The following CEP68 variants were observed in gnomAD, a reference collection of about 807,000 sequenced individuals.
CEP68 encodes centrosomal protein of 68 kDa.
CEP68 carries 26 observed loss-of-function variants against 55.3 expected under a neutral mutation model. The ratio of observed to expected loss-of-function variants is 0.47; its 90% CI spans 0.34 to 0.65. The LOEUF (loss-of-function observed/expected upper bound fraction) is 0.65. Among genes scored for constraint, CEP68 ranks in the 30% least tolerant of loss-of-function variants. The probability of loss-of-function intolerance (pLI) is 0.01; values close to 1 mark genes in which losing one functional copy is unlikely to be tolerated. For synonymous variants in CEP68, 402 were observed against 383.2 expected, an observed-to-expected ratio of 1.05 and a Z score of -0.57; for missense variants, 957 against 946.7, an observed-to-expected ratio of 1.01 and a Z score of -0.14.
intron 1 of CEP68, among the ~76,000 whole-genome samples, chr2:65,062,271 C>T (rs1167408973): frequency 6.6e-6 from 1 of 152,192 alleles, no homozygotes; most frequent in Non-Finnish European, 1.5e-5. Flanking sequence ...CGGTGACTCC[C>T]GCCTGTAAGC....
chr2:65,076,317 C>T (rs898584189), intron 4 of CEP68, among the ~76,000 whole-genome samples: 5 of 152,146 alleles, frequency 3.3e-5, no homozygotes, highest in African/African-American at 1.2e-4. Flanking sequence ...TCCATCCCTC[C>T]GTCTTATCCC....
intron 4 of CEP68, chr2:65,075,138 C>T (rs1676701029): frequency 6.6e-6 from 1 of 152,228 alleles, no homozygotes; most frequent in African/African-American, 2.4e-5. Context: ...AAATCTAGGC[C>T]AGGCACCTTG....
Position 65,083,182 on chromosome 2 carries a change from A to G in CEP68, c.*5-457A>G, listed in dbSNP as rs187097962. ...AACCCAGAGTTACTGATAACTTTGC[A>G]CCACCACCCCTGCCCTGCACAAAGG... On this transcript the variant is annotated intron_variant, in intron 6 of 6. Coordinates refer to ENST00000377990, the MANE Select transcript of CEP68 (RefSeq NM_015147.3). Among the ~76,000 whole-genome samples, 453 of 152,140 alleles carry G rather than the reference A, an allele frequency of 3.0e-3. 4 individuals are homozygous for G. Among genetic ancestry groups the G allele is most frequent in the Non-Finnish European group, 2.7e-3 (182 of 67,990 alleles).
chr2:65,082,360 G>A (rs1041128022), intron 5 of CEP68, among the ~76,000 whole-genome samples, 176 bp from the exon 6 acceptor site: 4 of 152,208 alleles, frequency 2.6e-5, no homozygotes, highest in Non-Finnish European at 4.4e-5. Context: ...AGGTTCTCCA[G>A]TGCAACAGAA....
chr2:65,071,014 TCA>T (rs1466874977), intron 2 of CEP68: 1 of 170,130 alleles, frequency 5.9e-6, no homozygotes, highest in Non-Finnish European at 1.3e-5. Flanking sequence ...CTGCTAGTGT[TCA>T]GTTACCACTG....
chr2:65,073,988 C>G (rs1213456120), intron 3 of CEP68: 1 of 320,900 alleles, frequency 3.1e-6, no homozygotes, highest in East Asian at 7.0e-5. Context: ...AGTAATGGTG[C>G]TGATCCAAGA....
At chr2:65,079,856 G>A (rs1345423308) in intron 5 of CEP68, among the ~76,000 whole-genome samples, 3 of 152,216 alleles carry the variant, frequency 2.0e-5, no homozygotes, top group East Asian at 1.9e-4. Flanking sequence ...CCTCTAGTCC[G>A]GACACGGTGG....
At position 65,069,788 on chromosome 2, in the gene CEP68, C is replaced by A; in HGVS notation, c.344C>A (p.Ser115Tyr). ...ATMGSGDLLL[S>Y]GESQVEKTKL... Reference sequence around the variant, plus strand: ...ATGGGGTCTGGAGACCTTCTGCTCTCCGGGGAAAGCCAGGTAGGTACTAAG... The same window carrying A: ...ATGGGGTCTGGAGACCTTCTGCTCTACGGGGAAAGCCAGGTAGGTACTAAG... The change falls in exon 2 of 7, where the codon TCC becomes TAC. Residue 115 changes from serine to tyrosine, a missense_variant. By Grantham distance (144) the Ser-to-Tyr change is moderately radical (BLOSUM62 -2). Coordinates refer to ENST00000377990, the MANE Select transcript of CEP68 (RefSeq NM_015147.3). 1.2e-6 allele frequency: 2 copies of A among 1,613,908 alleles called. No individual in the cohort carries two copies. The highest frequency in any genetic ancestry group is 1.7e-5 in the Admixed American group (1 of 60,018).
chr2:65,072,499 C>G lies in CEP68; in HGVS notation c.1403C>G (p.Ser468Cys), dbSNP rs935592823. The change falls in exon 3 of 7, where the codon TCT (serine) becomes TGT (cysteine). Residue 468 changes from serine (S) to cysteine (C), a missense_variant. Coordinates refer to ENST00000377990, the MANE Select transcript of CEP68 (RefSeq NM_015147.3). ...GCCCGGCGCCCTACCTGCACAGAGT[C>G]TAGGTGGAAATCAGAAGAGGAAGTG... ...QSARRPTCTE[S>C]RWKSEEEVES... The G allele has an allele frequency of 1.2e-6, 2 of 1,614,072 alleles. No individual in the cohort carries two copies. Among genetic ancestry groups the G allele is most frequent in the Non-Finnish European group, 1.7e-6 (2 of 1,180,008 alleles).
Position 65,082,653 on chromosome 2 carries a change from T to C in CEP68, c.2222T>C (p.Ile741Thr), listed in dbSNP as rs1668887284. 6.2e-7 allele frequency: 1 copy of C among 1,610,506 alleles called. No individual in the cohort carries two copies. The highest frequency in any genetic ancestry group is 1.3e-5 in the African/African-American group (1 of 74,648). The change falls in exon 6 of 7, where the codon ATC (isoleucine) becomes ACC (threonine). Residue 741 changes from isoleucine (I) to threonine (T), a missense_variant. Transcript: ENST00000377990. Reference protein sequence around the residue: ...SLDMLAGCTLIPDKKPMAAME... With the variant: ...SLDMLAGCTLTPDKKPMAAME... ...GACATGCTGGCTGGCTGCACCCTTA[T>C]CCCTGACAAAAAGCCCATGGCGGCA... is the stretch of plus-strand genomic sequence containing the variant.
chr2:65,068,833 A>G lies in CEP68; in HGVS notation c.-46-566A>G, dbSNP rs578084964. ...ACAGAGTAAGACCCTGTCTCAGAAA[A>G]AAGAAAAAAAGAAAAGAAAAGAGAG... On this transcript the variant is annotated intron_variant, in intron 1 of 6. Coordinates refer to ENST00000377990, the MANE Select transcript of CEP68 (RefSeq NM_015147.3). Among the ~76,000 whole-genome samples the G allele has an allele frequency of 3.3e-5, 5 of 152,032 alleles. No individual in the cohort carries two copies. The East Asian group carries it at 9.7e-4, about 29-fold the overall frequency.
intron 4 of CEP68, chr2:65,074,757 T>C (rs1016739736): frequency 1.8e-5 from 5 of 276,458 alleles, no homozygotes; most frequent in South Asian, 1.4e-4. Context: ...CTGAGCAACA[T>C]AGCAAGACCC....
In CEP68 at chr2:65,074,343, A is replaced by T; in HGVS notation, c.1946A>T (p.Asp649Val). 6.2e-7 allele frequency: 1 copy of T among 1,614,154 alleles called. No homozygotes were observed. The highest frequency in any genetic ancestry group is 1.6e-4 in the Middle Eastern group (1 of 6,062). Residue 649 changes from aspartate (D) to valine (V), a missense_variant, in exon 4 of 7, where the codon GAC (aspartate) becomes GTC (valine). Asp to Val is a radical substitution (Grantham distance 152, BLOSUM62 -3). Coordinates refer to ENST00000377990, the MANE Select transcript of CEP68 (RefSeq NM_015147.3). The stretch of plus-strand genomic sequence containing the variant: ...CTGTATAATGTTGCAGATGTTACTG[A>T]CCACGGGACTGCAGCCAGGTCCAAT... ...CWLYNVADVT[D>V]HGTAARSNLT...
Position 65,082,547 on chromosome 2 carries a change from G to A in CEP68, c.2116G>A (p.Val706Ile). The change falls in exon 6 of 7, where the codon GTC becomes ATC. Residue 706 changes from valine to isoleucine, a missense_variant. Coordinates refer to ENST00000377990, the MANE Select transcript of CEP68 (RefSeq NM_015147.3). ...AACCTCATTGTTAGTTTTAGAGGAT[G>A]TCCTTGGGAGGATCGCAAAGCAGTC... ...LLENTPVLEDVLGRIAKQSGE... is the reference protein window; with the variant it reads ...LLENTPVLEDILGRIAKQSGE... 1.9e-6 allele frequency: 3 copies of A among 1,563,862 alleles called. No individual in the cohort carries two copies. The highest frequency in any genetic ancestry group is 2.4e-5 in the South Asian group (2 of 83,548).
At chr2:65,077,821 C>G in intron 4 of CEP68, 47 bp from the exon 5 acceptor site, 1 of 1,423,974 alleles carries the variant, frequency 7.0e-7, no homozygotes, top group Middle Eastern at 1.8e-4. Context: ...GTTTACAAAA[C>G]AATAGTAACG....
At chr2:65,073,824 TG>T (rs1365982798) in intron 3 of CEP68, 1 of 169,582 alleles carries the variant, frequency 5.9e-6, no homozygotes, top group African/African-American at 2.4e-5. Flanking sequence ...CACGTTATCA[TG>T]GACCCCTCTT....
rs753495050 is a variant in CEP68 at position 65,071,656 on chromosome 2, C to T, written c.560C>T (p.Pro187Leu). The change falls in exon 3 of 7, where the codon CCA (proline) becomes CTA (leucine). Residue 187 changes from proline to leucine, a missense_variant. By Grantham distance (98) the Pro-to-Leu change is moderately conservative (BLOSUM62 -3). Coordinates refer to ENST00000377990, the MANE Select transcript of CEP68 (RefSeq NM_015147.3). ...TCACAGTGGAAGTCCGTGCTGAGCC[C>T]AGGTTCCGCAGCTCAGCCTTCCAGC... ...CLSQWKSVLSPGSAAQPSSCS... is the reference protein window; with the variant it reads ...CLSQWKSVLSLGSAAQPSSCS... 2.4e-5 allele frequency: 38 copies of T among 1,614,182 alleles called. No individual in the cohort carries two copies. The highest frequency in any genetic ancestry group is 3.2e-5 in the Non-Finnish European group (38 of 1,180,036).
At chr2:65,070,640 A>G (rs546675566) in intron 2 of CEP68, 1 of 152,166 alleles carries the variant, frequency 6.6e-6, no homozygotes, top group South Asian at 2.1e-4. Context: ...AGGCTCTGGC[A>G]CCTGTGAGTC....
intron 1 of CEP68, among the ~76,000 whole-genome samples, chr2:65,066,896 T>G (rs1369278055): frequency 6.7e-6 from 1 of 149,140 alleles, no homozygotes; most frequent in East Asian, 2.0e-4. Context: ...ATCGCACCAG[T>G]GCACTCCAGC....
Sources: gnomAD v4.1 joint callset for allele counts (sites outside exome capture counted in the v4.1 genomes callset) on GRCh38, gnomAD v4.1.1 for gene constraint, MANE v1.5 for transcripts, NCBI Gene and HGNC (gene_info 2026-07-23, HGNC 2026-07-21) for gene names.